The following MPPED2 variants were observed in gnomAD, a reference collection of about 807,000 sequenced individuals.
The protein encoded by MPPED2 is metallophosphoesterase MPPED2.
Under a neutral mutation model 33.0 loss-of-function variants are expected in MPPED2, and 5 were observed. The observed-to-expected ratio is 0.15, with a 90% CI of 0.08 to 0.32. The LOEUF (loss-of-function observed/expected upper bound fraction) is 0.32, where lower values mean the gene tolerates loss of function less well. Among genes scored for constraint, MPPED2 ranks in the 10% least tolerant of loss-of-function variants. The probability of loss-of-function intolerance (pLI) is 1.00; values close to 1 mark genes in which losing one functional copy is unlikely to be tolerated. For missense variants in MPPED2, 275 were observed against 372.1 expected (o/e 0.74, Z 2.15); for synonymous variants, 136 against 141.9 (o/e 0.96, Z 0.29).
intron 4 of MPPED2, among the ~76,000 whole-genome samples, chr11:30,493,189 G>C (rs1156622378): frequency 1.3e-5 from 2 of 152,088 alleles, no homozygotes; most frequent in East Asian, 3.9e-4. Context: ...CGAGACCACG[G>C]TGAAACCCCG....
At chr11:30,542,280 G>C (rs763338042) in intron 2 of MPPED2, among the ~76,000 whole-genome samples, 15 of 152,008 alleles carry the variant, frequency 9.9e-5, no homozygotes, top group African/African-American at 2.9e-4. Context: ...TCATCAGTCA[G>C]ATATGATGGT....
intron 2 of MPPED2, among the ~76,000 whole-genome samples, chr11:30,564,483 G>T (rs1393879203): frequency 6.6e-6 from 1 of 152,128 alleles, no homozygotes; most frequent in African/African-American, 2.4e-5. Flanking sequence ...CCTCATTTAT[G>T]GATGAGAACA....
At chr11:30,546,790 G>C (rs1955448440) in intron 2 of MPPED2, among the ~76,000 whole-genome samples, 1 of 152,134 alleles carries the variant, frequency 6.6e-6, no homozygotes. Flanking sequence ...TTATTTGTAA[G>C]ACAACATGAT....
chr11:30,422,752 TAAAAAA>T (rs1413395218), intron 4 of MPPED2, among the ~76,000 whole-genome samples: 1 of 152,146 alleles, frequency 6.6e-6, no homozygotes, highest in Non-Finnish European at 1.5e-5. Context: ...AACCAACTTG[TAAAAAA>T]ATGTCCCACA....
chr11:30,547,671 T>C (rs1293295883), intron 2 of MPPED2, among the ~76,000 whole-genome samples: 1 of 152,208 alleles, frequency 6.6e-6, no homozygotes, highest in Non-Finnish European at 1.5e-5. Context: ...GGAGGTTCAA[T>C]CGACTTCCCC....
chr11:30,401,861 TTTTTTTTTTTTTC>T (rs1291598736), intron 6 of MPPED2, among the ~76,000 whole-genome samples: 28,541 of 107,874 alleles, frequency 0.26, 4,937 homozygotes, highest in Non-Finnish European at 0.33. Context: ...ATTTTTTGTA[TTTTTTTTTTTTTC>T]TTTTAGTAGA....
intron 4 of MPPED2, among the ~76,000 whole-genome samples, chr11:30,489,067 G>A (rs1376704301): frequency 1.2e-5 from 1 of 85,068 alleles, no homozygotes. Context: ...TTTTTTTTTT[G>A]CCTAAGTTAA....
downstream of MPPED2, among the ~76,000 whole-genome samples, chr11:30,407,506 T>G (rs1316302395): frequency 3.3e-5 from 5 of 152,218 alleles, no homozygotes; most frequent in Admixed American, 3.3e-4. Context: ...TTACGGTTCC[T>G]AAGCAATGCA....
chr11:30,404,281 A>C (rs1014967122), intron 6 of MPPED2, among the ~76,000 whole-genome samples: 9 of 152,230 alleles, frequency 5.9e-5, no homozygotes, highest in Admixed American at 3.9e-4. Context: ...GCCTTGGATA[A>C]ATCATTCCTC....
At chr11:30,393,355 T>A (rs1050324258) in intron 6 of MPPED2, among the ~76,000 whole-genome samples, 3 of 152,156 alleles carry the variant, frequency 2.0e-5, no homozygotes, top group Admixed American at 2.0e-4. Context: ...TTTGGCTTTA[T>A]CATCCAGGCC....
intron 2 of MPPED2, among the ~76,000 whole-genome samples, chr11:30,560,386 C>T (rs1379745702): frequency 6.6e-6 from 1 of 151,830 alleles, no homozygotes; most frequent in Admixed American, 6.6e-5. Flanking sequence ...ATATTTCCAA[C>T]CAACACTGAC....
intron 3 of MPPED2, among the ~76,000 whole-genome samples, chr11:30,515,246 T>G (rs1180143948): frequency 2.0e-5 from 3 of 152,158 alleles, no homozygotes; most frequent in African/African-American, 4.8e-5. Context: ...TGGCTGGGTT[T>G]AGGATAATAG....
chr11:30,411,556 G>C lies in MPPED2; in HGVS notation c.797C>G (p.Thr266Arg). 1 of 1,613,770 alleles carries C rather than the reference G, an allele frequency of 6.2e-7. No individual in the cohort carries two copies. The part of the protein sequence containing the change: ...GYGIMTDGYT[T>R]YINASTCTVS... ...TGTACACGTCGAGGCATTGATGTAC[G>C]TTGTGTAACCGTCGGTCATGATGCC... Residue 266 changes from threonine (T) to arginine (R), a missense_variant, in exon 7 of 7, where the codon ACG becomes AGG. Transcript: ENST00000358117.
At chr11:30,435,266 A>G (rs558637135) in intron 4 of MPPED2, among the ~76,000 whole-genome samples, 1 of 152,190 alleles carries the variant, frequency 6.6e-6, no homozygotes, top group East Asian at 1.9e-4. Flanking sequence ...TCTACTCTTT[A>G]TCTGGTGACA....
chr11:30,503,516 T>A (rs928184056), intron 3 of MPPED2, among the ~76,000 whole-genome samples: 3 of 152,112 alleles, frequency 2.0e-5, no homozygotes, highest in African/African-American at 7.2e-5. Flanking sequence ...CCCTTTTTTT[T>A]AAAATCAGAG....
At chr11:30,579,031 A>G (rs1392256430) in intron 2 of MPPED2, among the ~76,000 whole-genome samples, 1 of 144,336 alleles carries the variant, frequency 6.9e-6, no homozygotes, top group African/African-American at 2.6e-5. Context: ...TCACTCAAGC[A>G]TGCTGCTTTA....
chr11:30,572,729 C>T (rs1956759127), intron 2 of MPPED2, among the ~76,000 whole-genome samples: 1 of 152,142 alleles, frequency 6.6e-6, no homozygotes, highest in African/African-American at 2.4e-5. Flanking sequence ...TTCATTCATT[C>T]ATCCACTGAT....
At chr11:30,443,196 A>G (rs1949660680) in intron 4 of MPPED2, among the ~76,000 whole-genome samples, 1 of 152,204 alleles carries the variant, frequency 6.6e-6, no homozygotes, top group Admixed American at 6.5e-5. Flanking sequence ...TAATAAATAA[A>G]TAAAGCATTT....
chr11:30,536,295 G>C (rs141260602), intron 2 of MPPED2, 120 bp from the exon 3 acceptor site: 2 of 842,074 alleles, frequency 2.4e-6, no homozygotes, highest in African/African-American at 3.5e-5. Context: ...CGCAAAGGCA[G>C]AAGGGCCCAC....
Sources: gnomAD v4.1 joint callset for allele counts (sites outside exome capture counted in the v4.1 genomes callset) on GRCh38, gnomAD v4.1.1 for gene constraint, MANE v1.5 for transcripts, NCBI Gene and HGNC (gene_info 2026-07-23, HGNC 2026-07-21) for gene names.